SMPDL3B: variants seen among roughly 807,000 people sequenced by gnomAD.
SMPDL3B encodes acid sphingomyelinase-like phosphodiesterase 3b.
In SMPDL3B, 31 loss-of-function variants were observed where a neutral mutation model predicts 37.9. That is an observed-to-expected ratio of 0.82 (90% CI 0.61 to 1.10). The LOEUF (loss-of-function observed/expected upper bound fraction) is 1.10, where lower values mean the gene tolerates loss of function less well. Ranked by LOEUF, SMPDL3B falls within the 50% of genes least tolerant of loss-of-function variation. SMPDL3B has a pLI of 0.00. For synonymous variants in SMPDL3B, 235 were observed against 242.6 expected (o/e 0.97, Z 0.29); for missense variants, 525 against 597.8 (o/e 0.88, Z 1.27).
At position 27,953,238 on chromosome 1, in the gene SMPDL3B, G is replaced by A; in HGVS notation, c.397G>A (p.Gly133Arg). The A allele has an allele frequency of 1.2e-6, 2 of 1,613,510 alleles. No homozygotes were observed. The highest frequency in any genetic ancestry group is 2.2e-5 in the South Asian group (2 of 91,008). ...FPDTKVYAAL[G>R]NHDFHPKNQF... ...AGATACTAAAGTCTATGCTGCTTTG[G>A]GAAATCATGATTTTCACCCCAAAAA... The change falls in exon 4 of 8, where the codon GGA becomes AGA. Residue 133 changes from glycine to arginine, a missense_variant. Gly to Arg is a moderately radical substitution (Grantham distance 125). Coordinates refer to ENST00000373894, the MANE Select transcript of SMPDL3B (RefSeq NM_014474.4).
intron 1 of SMPDL3B, among the ~76,000 whole-genome samples, chr1:27,935,465 C>T (rs2090299180): frequency 6.6e-6 from 1 of 151,940 alleles, no homozygotes; most frequent in Non-Finnish European, 1.5e-5. Flanking sequence ...ACCGACATTG[C>T]GAAGAGGTCT....
intron 3 of SMPDL3B, among the ~76,000 whole-genome samples, chr1:27,949,702 C>A (rs2090439474): frequency 6.6e-6 from 1 of 152,198 alleles, no homozygotes; most frequent in African/African-American, 2.4e-5. Context: ...GGTCTGCGTG[C>A]CCCATCTGAT....
intron 3 of SMPDL3B, 24 bp downstream of exon 3, chr1:27,949,186 CCA>C (rs2090435096): frequency 6.2e-7 from 1 of 1,612,910 alleles, no homozygotes; most frequent in African/African-American, 1.3e-5. Context: ...ATCAGTCCCT[CCA>C]CAGTGTTCTC....
intron 1 of SMPDL3B, among the ~76,000 whole-genome samples, chr1:27,937,752 C>T (rs1275770530): frequency 6.6e-6 from 1 of 152,146 alleles, no homozygotes; most frequent in African/African-American, 2.4e-5. Flanking sequence ...ACCCCACAGC[C>T]AGGTGCTCTG....
chr1:27,938,552 G>A (rs1398149167), intron 1 of SMPDL3B, among the ~76,000 whole-genome samples: 1 of 152,140 alleles, frequency 6.6e-6, no homozygotes, highest in Non-Finnish European at 1.5e-5. Context: ...TAAATGTGAT[G>A]GCCTTAAGTG....
intron 3 of SMPDL3B, among the ~76,000 whole-genome samples, chr1:27,949,655 G>A (rs1173816172): frequency 6.6e-6 from 1 of 152,190 alleles, no homozygotes; most frequent in African/African-American, 2.4e-5. Context: ...GGGGGTGAGT[G>A]AGGCAGCAGC....
At chr1:27,951,052 C>T (rs997581007) in intron 3 of SMPDL3B, among the ~76,000 whole-genome samples, 1 of 150,322 alleles carries the variant, frequency 6.7e-6, no homozygotes, top group African/African-American at 2.5e-5. Context: ...CATGAGCCAC[C>T]ATGCCTGGCC....
rs185169343 is a variant in SMPDL3B, at chr1:27,955,270, G to C, written c.691-414G>C. On this transcript the variant is annotated intron_variant, in intron 5 of 7. Coordinates refer to ENST00000373894, the MANE Select transcript of SMPDL3B (RefSeq NM_014474.4). ...CATGGTGGCCAAGTGCCCAGGTGTT[G>C]TCAGATGAGTGACTCAAGGAATGTA... 2.6e-5 allele frequency among the ~76,000 whole-genome samples: 4 copies of C among 152,328 alleles called. No individual in the cohort carries two copies. In the East Asian group the frequency reaches 5.8e-4, roughly 22 times the overall value.
chr1:27,949,152 G>A lies in SMPDL3B; in HGVS notation c.363G>A (p.Glu121=). The change falls in exon 3 of 8, where the codon GAG becomes GAA. Residue 121 remains glutamate (E), a synonymous_variant. Coordinates refer to ENST00000373894, the MANE Select transcript of SMPDL3B (RefSeq NM_014474.4). ...IVERLTKLIR[E]VFPDTKVYAA... ...AACGCCTGACCAAGCTCATCAGAGA[G>A]GTCTTTCCAGGTAAGACTGTGCCAT... 6.2e-7 allele frequency: 1 copy of A among 1,614,220 alleles called. No individual in the cohort carries two copies. The highest frequency in any genetic ancestry group is 1.1e-5 in the South Asian group (1 of 91,084).
Position 27,958,721 on chromosome 1 carries a change from G to A in SMPDL3B, c.1251G>A (p.Met417Ile), listed in dbSNP as rs1383055094. Residue 417 changes from methionine (M) to isoleucine (I), a missense_variant, in exon 8 of 8, where the codon ATG becomes ATA. Coordinates refer to ENST00000373894, the MANE Select transcript of SMPDL3B (RefSeq NM_014474.4). This position sits in a 1 kb window ranked among gnomAD's most constrained non-coding sequence, Gnocchi z 5.6. ...EACSMQHVCA[M>I]RQVDIDAYTT... ...GCAGCATGCAGCACGTGTGTGCCAT[G>A]CGCCAGGTGGACATTGACGCTTACA... is the stretch of plus-strand genomic sequence containing the variant. 2.5e-6 allele frequency: 4 copies of A among 1,613,726 alleles called. No homozygotes were observed. Among genetic ancestry groups the A allele is most frequent in the Non-Finnish European group, 3.4e-6 (4 of 1,180,040 alleles).
At chr1:27,938,448 T>TA in intron 1 of SMPDL3B, among the ~76,000 whole-genome samples, 1 of 152,346 alleles carries the variant, frequency 6.6e-6, no homozygotes, top group South Asian at 2.1e-4. Flanking sequence ...CCAGAAAACT[T>TA]AGGTCCTACC....
In SMPDL3B at chr1:27,958,922, T is replaced by C; in HGVS notation, c.*84T>C. Reference sequence around the variant, plus strand: ...CAGAGCTGGGCCTTCCACCATTTCCTCCGCGCCTGAGGAGTGAACTGAAAT... The same window carrying C: ...CAGAGCTGGGCCTTCCACCATTTCCCCCGCGCCTGAGGAGTGAACTGAAAT... On this transcript the variant is annotated 3_prime_UTR_variant, in exon 8 of 8. Transcript: ENST00000373894. This position sits in a 1 kb window ranked among gnomAD's most constrained non-coding sequence, Gnocchi z 5.6. The C allele has an allele frequency of 7.0e-7, 1 of 1,422,874 alleles. No individual in the cohort carries two copies. The highest frequency in any genetic ancestry group is 9.3e-7 in the Non-Finnish European group (1 of 1,077,432). The allele number at this position is 1,422,874 out of a possible 1,614,324, so 88.1% of individuals were successfully genotyped here. A position where few individuals can be genotyped will look rare whatever the true frequency, so the allele number is the denominator to read the frequency against.
At chr1:27,957,469 T>C (rs1034716705) in intron 7 of SMPDL3B, among the ~76,000 whole-genome samples, 1 of 152,056 alleles carries the variant, frequency 6.6e-6, no homozygotes, top group Non-Finnish European at 1.5e-5. Context: ...TTTGGACCTG[T>C]TACCTTTGGG....
intron 3 of SMPDL3B, among the ~76,000 whole-genome samples, chr1:27,950,602 C>T (rs563793121): frequency 5.3e-5 from 8 of 152,202 alleles, no homozygotes; most frequent in South Asian, 2.1e-4. Context: ...TACAGGCACA[C>T]GCCACCACGC....
chr1:27,942,285 AG>A (rs1482979705), intron 1 of SMPDL3B: 2 of 468,382 alleles, frequency 4.3e-6, no homozygotes, highest in Admixed American at 4.8e-5. Flanking sequence ...AGGAAGCGCA[AG>A]GACCATGTGC....
At chr1:27,950,925 T>TG (rs1382145967) in intron 3 of SMPDL3B, among the ~76,000 whole-genome samples, 3 of 152,204 alleles carry the variant, frequency 2.0e-5, no homozygotes, top group Non-Finnish European at 4.4e-5. Context: ...CCACTGCGCC[T>TG]GGCCTGTTTT....
Position 27,935,765 on chromosome 1 carries a change from C to T in SMPDL3B, c.61+521C>T, listed in dbSNP as rs564568591. 3.1e-4 allele frequency among the ~76,000 whole-genome samples: 47 copies of T among 152,210 alleles called. No individual in the cohort carries two copies. In the East Asian group the frequency reaches 3.1e-3, roughly 10 times the overall value. On this transcript the variant is annotated intron_variant, in intron 1 of 7. Coordinates refer to ENST00000373894, the MANE Select transcript of SMPDL3B (RefSeq NM_014474.4). ...TTGTGGGGAGGGGGTACTTACAAGA[C>T]GTCCAGAGAAGAGCTGTCAAATCAG...
chr1:27,948,304 C>T (rs979126245), intron 2 of SMPDL3B, among the ~76,000 whole-genome samples: 1 of 152,146 alleles, frequency 6.6e-6, no homozygotes, highest in Non-Finnish European at 1.5e-5. Context: ...CAGAAAGTGC[C>T]TGGCAGAAAG....
Position 27,935,080 on chromosome 1 carries a change from G to A in SMPDL3B, c.-104G>A. On this transcript the variant is annotated 5_prime_UTR_variant, in exon 1 of 8. Transcript: ENST00000373894. Reference sequence around the variant, plus strand: ...TGGAACACCTGTAACAGGACAAGGAGTTCTGCTCAGGCACGTGGCCACAGA... The same window carrying A: ...TGGAACACCTGTAACAGGACAAGGAATTCTGCTCAGGCACGTGGCCACAGA... The A allele has an allele frequency of 1.2e-6, 1 of 823,200 alleles. No homozygotes were observed. Among genetic ancestry groups the A allele is most frequent in the Non-Finnish European group, 2.0e-6 (1 of 492,518 alleles). The allele number at this position is 823,200 out of a possible 1,614,324, so 51.0% of individuals were successfully genotyped here.
Sources: gnomAD v4.1 joint callset for allele counts (sites outside exome capture counted in the v4.1 genomes callset) on GRCh38, gnomAD v4.1.1 for gene constraint, Gnocchi (gnomAD v3.1) non-coding constraint, MANE v1.5 for transcripts, NCBI Gene and HGNC (gene_info 2026-07-23, HGNC 2026-07-21) for gene names.